The following KCNT2 variants were observed in gnomAD, a reference collection of about 807,000 sequenced individuals.
The protein encoded by KCNT2 is potassium channel subfamily T member 2.
Under a neutral mutation model 153.8 loss-of-function variants are expected in KCNT2, and 67 were observed. The ratio of observed to expected loss-of-function variants is 0.44; its 90% CI spans 0.36 to 0.53. The LOEUF is 0.53. Among genes scored for constraint, KCNT2 ranks in the 20% least tolerant of loss-of-function variants. The probability of loss-of-function intolerance (pLI) is 0.00; values close to 1 mark genes in which losing one functional copy is unlikely to be tolerated. For missense variants in KCNT2, 975 were observed against 1,354.8 expected (o/e 0.72, Z 4.40); for synonymous variants, 500 against 458.8 (o/e 1.09, Z -1.15).
At chr1:196,290,478 G>C (rs1033081141) in intron 22 of KCNT2, among the ~76,000 whole-genome samples, 1 of 151,046 alleles carries the variant, frequency 6.6e-6, no homozygotes, top group African/African-American at 2.4e-5. Flanking sequence ...ATTTCTTAAG[G>C]CTTTACAATT....
intron 4 of KCNT2, among the ~76,000 whole-genome samples, chr1:196,480,855 C>CA (rs372270510): frequency 0.31 from 8,269 of 26,874 alleles, 3,055 homozygotes; most frequent in East Asian, 0.5. Flanking sequence ...GACTTCGTCT[C>CA]AAAAAAAAAA....
chr1:196,508,189 C>CAAAAAAAAAAAAAAAAAAAAAAAAAA (rs10539910), intron 1 of KCNT2, among the ~76,000 whole-genome samples: 14 of 59,980 alleles, frequency 2.3e-4, no homozygotes, highest in East Asian at 9.2e-4. Context: ...CCCTAAGTAG[C>CAAAAAAAAAAAAAAAAAAAAAAAAAA]AAAAAAAAAA....
intron 17 of KCNT2, 152 bp from the exon 18 acceptor site, chr1:196,331,413 G>A: frequency 1.7e-6 from 1 of 584,390 alleles, no homozygotes; most frequent in Non-Finnish European, 3.1e-6. Flanking sequence ...AAGAGAGGTA[G>A]GCAAACTGTG....
chr1:196,375,605 T>C (rs577667300), intron 13 of KCNT2, among the ~76,000 whole-genome samples: 1 of 151,756 alleles, frequency 6.6e-6, no homozygotes, highest in Admixed American at 6.6e-5. Flanking sequence ...TAAAAAAACA[T>C]GCTTTTTATT....
At chr1:196,494,637 G>A (rs989305720) in intron 1 of KCNT2, among the ~76,000 whole-genome samples, 1 of 152,036 alleles carries the variant, frequency 6.6e-6, no homozygotes, top group Non-Finnish European at 1.5e-5. Flanking sequence ...GATTACAGGC[G>A]CAGAGGAGCA....
At chr1:196,330,542 AG>A (rs1415177393) in intron 18 of KCNT2, among the ~76,000 whole-genome samples, 1 of 151,934 alleles carries the variant, frequency 6.6e-6, no homozygotes, top group East Asian at 1.9e-4. Flanking sequence ...TCCTTTTATC[AG>A]TTTTGTTATT....
At chr1:196,266,192 T>G (rs1657524014) in intron 25 of KCNT2, among the ~76,000 whole-genome samples, 1 of 152,116 alleles carries the variant, frequency 6.6e-6, no homozygotes, top group African/African-American at 2.4e-5. Context: ...CAACATAAGC[T>G]CCAAATTAAC....
intron 14 of KCNT2, among the ~76,000 whole-genome samples, chr1:196,360,553 A>T (rs1014558555): frequency 6.6e-6 from 1 of 152,064 alleles, no homozygotes; most frequent in African/African-American, 2.4e-5. Context: ...ATATGACTGT[A>T]TTTGGAAATG....
At chr1:196,245,928 T>C (rs1349079135) in intron 26 of KCNT2, among the ~76,000 whole-genome samples, 4 of 152,134 alleles carry the variant, frequency 2.6e-5, no homozygotes, top group African/African-American at 4.8e-5. Context: ...AGAAAGTTGA[T>C]GCAACAGGAT....
At chr1:196,431,554 G>A (rs1674150894) in intron 8 of KCNT2, among the ~76,000 whole-genome samples, 1 of 152,060 alleles carries the variant, frequency 6.6e-6, no homozygotes, top group South Asian at 2.1e-4. Flanking sequence ...ATTGGAAACT[G>A]GAGGAAAAGG....
intron 1 of KCNT2, among the ~76,000 whole-genome samples, chr1:196,602,979 G>A (rs1280954606): frequency 6.6e-6 from 1 of 150,962 alleles, no homozygotes; most frequent in Non-Finnish European, 1.5e-5. Context: ...GTAGAGACGG[G>A]GTTTCACCTT....
intron 8 of KCNT2, among the ~76,000 whole-genome samples, chr1:196,455,972 G>A (rs1006984270): frequency 8.6e-5 from 13 of 152,026 alleles, no homozygotes; most frequent in African/African-American, 2.9e-4. Flanking sequence ...TCCAGCCGAT[G>A]TCCACCTACA....
intron 12 of KCNT2, among the ~76,000 whole-genome samples, chr1:196,410,683 T>C (rs1672220201): frequency 6.7e-6 from 1 of 149,514 alleles, no homozygotes; most frequent in Admixed American, 6.7e-5. Flanking sequence ...GGGTGCTTAC[T>C]ACGCAATAAA....
intron 25 of KCNT2, among the ~76,000 whole-genome samples, chr1:196,275,491 T>C (rs1658479302): frequency 6.6e-6 from 1 of 151,804 alleles, no homozygotes; most frequent in African/African-American, 2.4e-5. Flanking sequence ...TCTATAAATG[T>C]TAATAGTTTT....
intron 21 of KCNT2, among the ~76,000 whole-genome samples, chr1:196,313,076 C>G (rs950320579): frequency 6.6e-6 from 1 of 151,462 alleles, no homozygotes; most frequent in Non-Finnish European, 1.5e-5. Context: ...CAGTAATTAT[C>G]CATTGAGGAT....
intron 12 of KCNT2, among the ~76,000 whole-genome samples, chr1:196,411,105 CCTTCCTTCCT>C (rs1672282144): frequency 1.5e-5 from 2 of 132,936 alleles, no homozygotes; most frequent in African/African-American, 5.5e-5. Context: ...TTCCTTCCTT[CCTTCCTTCCT>C]TCCTTCCTCC....
At chr1:196,409,329 A>G (rs1672095251) in intron 12 of KCNT2, among the ~76,000 whole-genome samples, 1 of 151,436 alleles carries the variant, frequency 6.6e-6, no homozygotes, top group Non-Finnish European at 1.5e-5. Context: ...CAAAATCTTT[A>G]TTAACGGCCA....
At chr1:196,516,996 A>G (rs1005653073) in intron 1 of KCNT2, among the ~76,000 whole-genome samples, 1 of 152,142 alleles carries the variant, frequency 6.6e-6, no homozygotes, top group Non-Finnish European at 1.5e-5. Flanking sequence ...AGCTGGGACT[A>G]TGGAGCCAGT....
intron 19 of KCNT2, among the ~76,000 whole-genome samples, chr1:196,324,145 T>C (rs1663612437): frequency 6.6e-6 from 1 of 151,872 alleles, no homozygotes. Context: ...CCTAACCCTT[T>C]GAAATAAAGT....
Sources: allele counts gnomAD v4.1 joint callset (sites outside exome capture counted in the v4.1 genomes callset), GRCh38; gene constraint gnomAD v4.1.1; transcripts MANE v1.5; gene names NCBI Gene and HGNC (gene_info 2026-07-23, HGNC 2026-07-21).